Variants in UBR4 observed in about 807,000 individuals in gnomAD.
UBR4 encodes ubiquitin protein ligase E3 component n-recognin 4.
A neutral mutation model predicts 575.6 loss-of-function variants in UBR4; 124 were observed. The observed-to-expected ratio is 0.22, with a 90% CI of 0.19 to 0.25. UBR4 has a LOEUF of 0.25. UBR4 is among the 10% of genes least tolerant of loss of function. The probability of loss-of-function intolerance (pLI) is 1.00; values close to 1 mark genes in which losing one functional copy is unlikely to be tolerated. For synonymous variants in UBR4, 2,455 were observed against 2,473.7 expected (o/e 0.99, Z 0.22); for missense variants, 4,818 against 6,478.8 (o/e 0.74, Z 8.80).
intron 55 of UBR4, among the ~76,000 whole-genome samples, chr1:19,143,250 G>GAAA (rs2084261182): frequency 5.2e-5 from 7 of 134,432 alleles, no homozygotes; most frequent in Admixed American, 1.5e-4. Context: ...AAGGAAGGAA[G>GAAA]GAAGGAAGGA....
intron 9 of UBR4, among the ~76,000 whole-genome samples, chr1:19,192,838 G>A (rs2092200218): frequency 6.6e-6 from 1 of 151,582 alleles, no homozygotes; most frequent in South Asian, 2.1e-4. Flanking sequence ...GCTGGAGTAC[G>A]ATGGCGTGAT....
chr1:19,149,851 AC>A lies in UBR4; in HGVS notation c.7430+725del, dbSNP rs1352190267. On this transcript the variant is annotated intron_variant, in intron 49 of 105. Coordinates refer to ENST00000375254, the MANE Select transcript of UBR4 (RefSeq NM_020765.3). ...GGAAAAAAATGTGAAGCTCAGAGAA[AC>A]CCGGAAACACATCCTAAGCAAACCA... 10 of 1,267,006 alleles carry A rather than the reference AC, an allele frequency of 7.9e-6. No homozygotes were observed. In the East Asian group the frequency reaches 5.6e-4, roughly 71 times the overall value. The allele number at this position is 1,267,006 out of a possible 1,614,324, so 78.5% of individuals were successfully genotyped here. A position where few individuals can be genotyped will look rare whatever the true frequency, so the allele number is the denominator to read the frequency against.
intron 52 of UBR4, 121 bp from the exon 53 acceptor site, chr1:19,146,054 C>A (rs760830592): frequency 1.3e-6 from 2 of 1,575,864 alleles, no homozygotes; most frequent in East Asian, 2.4e-5. Flanking sequence ...GGGCCCCAAT[C>A]AATATGCCAA....
chr1:19,095,482 G>A, intron 93 of UBR4, 63 bp downstream of exon 93: 1 of 1,475,842 alleles, frequency 6.8e-7, no homozygotes, highest in Non-Finnish European at 9.5e-7. Flanking sequence ...CCAGAACTGA[G>A]AGGTCTTTCA....
At chr1:19,077,024 T>C (rs2076010392) in intron 104 of UBR4, 122 bp from the exon 105 acceptor site, 9 of 1,045,902 alleles carry the variant, frequency 8.6e-6, no homozygotes, top group Non-Finnish European at 1.2e-5. Flanking sequence ...CACCAAAGCA[T>C]ACCAACAGGC....
chr1:19,205,675 T>C (rs1221758342), intron 1 of UBR4, among the ~76,000 whole-genome samples: 1 of 151,996 alleles, frequency 6.6e-6, no homozygotes, highest in Non-Finnish European at 1.5e-5. Context: ...AATTATCAAT[T>C]TGCATCCTAC....
chr1:19,084,764 CAG>C, intron 101 of UBR4, 66 bp from the exon 102 acceptor site: 1 of 1,482,840 alleles, frequency 6.7e-7, no homozygotes, highest in Non-Finnish European at 9.2e-7. Context: ...GTTTGGGAGA[CAG>C]AGCCTCCTTC....
chr1:19,094,988 C>T lies in UBR4; in HGVS notation c.13664G>A (p.Gly4555Asp). 1 of 1,614,156 alleles carries T rather than the reference C, an allele frequency of 6.2e-7. No homozygotes were observed. ...VAEQESKDSG[G>D]AAVAEQVLSI... Reference sequence around the variant, plus strand: ...AAGCACCTGCTCAGCCACAGCTGCACCCCCACTGTCCTTGCTTTCTTGTTC... The same window carrying T: ...AAGCACCTGCTCAGCCACAGCTGCATCCCCACTGTCCTTGCTTTCTTGTTC... Residue 4555 changes from glycine to aspartate, a missense_variant, in exon 94 of 106, where the codon GGT becomes GAT. By Grantham distance (94) the Gly-to-Asp change is moderately conservative (BLOSUM62 -1). Transcript: ENST00000375254.
At chr1:19,151,576 AG>A (rs2085723760) in intron 48 of UBR4, 66 bp downstream of exon 48, 1 of 1,511,146 alleles carries the variant, frequency 6.6e-7, no homozygotes. Context: ...GGACAGCCAC[AG>A]GCCAGTGGCT....
chr1:19,104,778 T>C, intron 85 of UBR4, 112 bp from the exon 86 acceptor site: 1 of 1,229,576 alleles, frequency 8.1e-7, no homozygotes, highest in Non-Finnish European at 1.2e-6. Flanking sequence ...TACATCTTCT[T>C]AATCGAACCC....
Position 19,156,372 on chromosome 1 carries a change from C to T in UBR4, c.5971G>A (p.Val1991Ile), listed in dbSNP as rs750822392. 6.2e-7 allele frequency: 1 copy of T among 1,614,138 alleles called. No homozygotes were observed. Among genetic ancestry groups the T allele is most frequent in the Non-Finnish European group, 8.5e-7 (1 of 1,180,014 alleles). The change falls in exon 42 of 106, where the codon GTT becomes ATT. Residue 1991 changes from valine (V) to isoleucine (I), a missense_variant. By Grantham distance (29) the Val-to-Ile change is conservative (BLOSUM62 3). This residue lies in a region of UBR4 where 461 missense variants were observed against 606.9 expected (regional missense o/e 0.76). Transcript: ENST00000375254. ...CCCGTTGCCAACTGAGGGTGCAAAA[C>T]CAAGTGATCCGAAACAGAGCCTGAG... is the stretch of plus-strand genomic sequence containing the variant. ...SSSGSVSDHL[V>I]LHPQLATGNF...
Position 19,081,380 on chromosome 1 carries a change from C to A in UBR4, c.15202G>T (p.Ala5068Ser), listed in dbSNP as rs959707150. Residue 5068 changes from alanine (A) to serine (S), a missense_variant, in exon 103 of 106, where the codon GCT becomes TCT. Physicochemically the swap from Ala to Ser is moderately conservative, Grantham distance 99. This residue lies in a region of UBR4 where 212 missense variants were observed against 221.3 expected (regional missense o/e 0.96). Coordinates refer to ENST00000375254, the MANE Select transcript of UBR4 (RefSeq NM_020765.3). ...ILRRLLVTSQ[A>S]RAVAPGGATR... Reference sequence around the variant, plus strand: ...GCTCCACCTGGAGCCACTGCCCGAGCCTGCGAGGTCACCAACAGCCTCCGC... The same window carrying A: ...GCTCCACCTGGAGCCACTGCCCGAGACTGCGAGGTCACCAACAGCCTCCGC... The A allele has an allele frequency of 6.2e-7, 1 of 1,610,254 alleles. No individual in the cohort carries two copies. Among genetic ancestry groups the A allele is most frequent in the African/African-American group, 1.3e-5 (1 of 74,790 alleles).
chr1:19,100,794 GA>G lies in UBR4; in HGVS notation c.13024-222del, dbSNP rs1388014302. On this transcript the variant is annotated intron_variant, in intron 88 of 105. Transcript: ENST00000375254. This position sits in a 1 kb window ranked among gnomAD's most constrained non-coding sequence, Gnocchi z 4.2. ...GCATCTACCCTGAAACCCCAGGGTG[GA>G]TTAGGAGATAAAGCCTAACAAAACA... is the stretch of plus-strand genomic sequence containing the variant. 6.6e-6 allele frequency among the ~76,000 whole-genome samples: 1 copy of G among 151,906 alleles called. No homozygotes were observed. Among genetic ancestry groups the G allele is most frequent in the Admixed American group, 6.6e-5 (1 of 15,250 alleles).
chr1:19,158,939 C>T (rs1053326048), intron 39 of UBR4, among the ~76,000 whole-genome samples: 1 of 151,924 alleles, frequency 6.6e-6, no homozygotes, highest in African/African-American at 2.4e-5. Flanking sequence ...CACAGTTGTT[C>T]GAGACCATTC....
chr1:19,177,976 A>C (rs1346369928), intron 18 of UBR4, among the ~76,000 whole-genome samples: 1 of 152,134 alleles, frequency 6.6e-6, no homozygotes, highest in Non-Finnish European at 1.5e-5. Flanking sequence ...ACACTTTGGG[A>C]GGTCGAGGGG....
Position 19,092,937 on chromosome 1 carries a change from C to G in UBR4, c.14112-19G>C. The G allele has an allele frequency of 6.2e-7, 1 of 1,608,554 alleles. No homozygotes were observed. Among genetic ancestry groups the G allele is most frequent in the Non-Finnish European group, 8.5e-7 (1 of 1,177,346 alleles). Reference sequence around the variant, plus strand: ...ATCCAAACTGCAAAGCAAAGGAAGGCTTATTAGCAGGCCAGGGAAGCAAAG... The same window carrying G: ...ATCCAAACTGCAAAGCAAAGGAAGGGTTATTAGCAGGCCAGGGAAGCAAAG... On this transcript the variant is annotated intron_variant, in intron 96 of 105. Transcript: ENST00000375254.
At chr1:19,109,503 A>G (rs1443229703) in intron 81 of UBR4, among the ~76,000 whole-genome samples, 1 of 152,252 alleles carries the variant, frequency 6.6e-6, no homozygotes, top group Non-Finnish European at 1.5e-5. Context: ...TAACAAAGTG[A>G]AGGAAAACAT....
At position 19,115,500 on chromosome 1, in the gene UBR4, G is replaced by A. The variant is rs868523208; in HGVS notation, c.10961C>T (p.Ser3654Phe). 6.2e-7 allele frequency: 1 copy of A among 1,614,220 alleles called. No homozygotes were observed. The highest frequency in any genetic ancestry group is 8.5e-7 in the Non-Finnish European group (1 of 1,180,032). The change falls in exon 74 of 106, where the codon TCC becomes TTC. Residue 3654 changes from serine to phenylalanine, a missense_variant. Around this residue, in one of 29 missense-constraint regions of UBR4, gnomAD observed 550 missense variants for 791.5 expected, o/e 0.69. Transcript: ENST00000375254. The stretch of plus-strand genomic sequence containing the variant: ...GCGAGGGCACTGCAGGGTCTCTGTG[G>A]AGGCCTGGTAGTTTTCATAGAAGTC... ...FADFYENYQASTETLQCPRCS... is the reference protein window; with the variant it reads ...FADFYENYQAFTETLQCPRCS...
At chr1:19,118,776 G>T (rs1442347339) in intron 71 of UBR4, 96 bp downstream of exon 71, 1 of 1,253,562 alleles carries the variant, frequency 8.0e-7, no homozygotes, top group Non-Finnish European at 1.2e-6. Context: ...TCTCTCAGGC[G>T]CTTGTCAATT....
Sources: allele counts gnomAD v4.1 joint callset (sites outside exome capture counted in the v4.1 genomes callset), GRCh38; gene constraint gnomAD v4.1.1; regional missense constraint gnomAD v4.1.1; non-coding constraint Gnocchi (gnomAD v3.1); transcripts MANE v1.5; gene names NCBI Gene and HGNC (gene_info 2026-07-23, HGNC 2026-07-21).